The following NEK5 variants were observed in gnomAD, a reference collection of about 807,000 sequenced individuals.
NEK5 encodes NIMA related kinase 5, also known as serine/threonine-protein kinase Nek5.
A neutral mutation model predicts 109.2 loss-of-function variants in NEK5; 88 were observed. That is an observed-to-expected ratio of 0.81 (90% CI 0.68 to 0.96). The LOEUF is 0.96. NEK5 is among the 40% of genes least tolerant of loss of function. NEK5 has a pLI of 0.00. For synonymous variants in NEK5, 283 were observed against 299.9 expected, an observed-to-expected ratio of 0.94 and a Z score of 0.58; for missense variants, 834 against 920.7, an observed-to-expected ratio of 0.91 and a Z score of 1.22.
chr13:52,122,253 G>A (rs1356710703), intron 3 of NEK5, among the ~76,000 whole-genome samples: 1 of 152,190 alleles, frequency 6.6e-6, no homozygotes, highest in Non-Finnish European at 1.5e-5. Context: ...TGAGAGTAAT[G>A]AGAGCTACCT....
At chr13:52,094,166 C>T (rs556493680) in intron 12 of NEK5, among the ~76,000 whole-genome samples, 1 of 152,268 alleles carries the variant, frequency 6.6e-6, no homozygotes, top group African/African-American at 2.4e-5. Flanking sequence ...TATCTTCCAA[C>T]TGAGTAGAAG....
chr13:52,075,836 AG>A lies in NEK5; in HGVS notation c.1654-11del. ...CAAATTTTACCCCCTTCTAGGAGAAAGCAAAAAAAAAAAAAAAGTTTAGCAA... is the reference window on the plus strand; with the variant it reads ...CAAATTTTACCCCCTTCTAGGAGAAACAAAAAAAAAAAAAAAGTTTAGCAA... On this transcript the variant is annotated splice_polypyrimidine_tract_variant and intron_variant, in intron 18 of 23. Transcript: ENST00000684899. 3 of 1,470,722 alleles carry A rather than the reference AG, an allele frequency of 2.0e-6. No homozygotes were observed. The highest frequency in any genetic ancestry group is 1.4e-5 in the African/African-American group (1 of 70,290). The allele number at this position is 1,470,722 out of a possible 1,614,324, so 91.1% of individuals were successfully genotyped here. A position where few individuals can be genotyped will look rare whatever the true frequency, so the allele number is the denominator to read the frequency against.
chr13:52,111,745 A>G (rs1171695643), intron 5 of NEK5, among the ~76,000 whole-genome samples: 1 of 152,204 alleles, frequency 6.6e-6, no homozygotes, highest in Non-Finnish European at 1.5e-5. Flanking sequence ...GGAGTATAGA[A>G]GAGAAATACA....
chr13:52,114,841 T>G (rs1955822280), intron 4 of NEK5, among the ~76,000 whole-genome samples: 1 of 152,098 alleles, frequency 6.6e-6, no homozygotes, highest in South Asian at 2.1e-4. Context: ...CAGTAAAAGG[T>G]CTGCCACAGC....
chr13:52,049,596 C>T (rs888423565), intron 23 of NEK5, among the ~76,000 whole-genome samples: 22 of 151,804 alleles, frequency 1.4e-4, no homozygotes, highest in African/African-American at 1.7e-4. Flanking sequence ...CTTTTGGCTT[C>T]CCTGGCACAT....
chr13:52,099,874 A>C lies in NEK5; in HGVS notation c.895T>G (p.Cys299Gly). Residue 299 changes from cysteine (C) to glycine (G), a missense_variant and splice_region_variant, in exon 12 of 24, where the codon TGT (cysteine) becomes GGT (glycine). Physicochemically the swap from Cys to Gly is radical, Grantham distance 159. Transcript: ENST00000684899. ...SRHAGKVVQK[C>G]KIQKVRFQGK... ...TGGAATCTCACTTTTTGTATTTTAC[A>C]CTCTTAATTAACCAAAATAAAACAG... is the stretch of plus-strand genomic sequence containing the variant. 1 of 1,612,360 alleles carries C rather than the reference A, an allele frequency of 6.2e-7. No individual in the cohort carries two copies. Among genetic ancestry groups the C allele is most frequent in the Non-Finnish European group, 8.5e-7 (1 of 1,178,944 alleles).
rs1415336313 is a variant in NEK5 at position 52,093,206 on chromosome 13, A to G, written c.1056T>C (p.Ala352=). 1 of 1,613,288 alleles carries G rather than the reference A, an allele frequency of 6.2e-7. No homozygotes were observed. The highest frequency in any genetic ancestry group is 8.5e-7 in the Non-Finnish European group (1 of 1,179,474). The part of the protein sequence containing the change: ...SIKMIERPKI[A]AVCGHYDYYY... ...AATAATCATAATGTCCACAGACAGC[A>G]GCAATTTTGGGTCTTTCTATCATTT... The change falls in exon 13 of 24, where the codon GCT becomes GCC. Residue 352 remains alanine, a synonymous_variant. Coordinates refer to ENST00000684899, the MANE Select transcript of NEK5 (RefSeq NM_001365552.1).
chr13:52,053,359 C>T (rs1256734558), intron 22 of NEK5, among the ~76,000 whole-genome samples: 1 of 151,950 alleles, frequency 6.6e-6, no homozygotes, highest in Non-Finnish European at 1.5e-5. Flanking sequence ...CAAATGAAAG[C>T]CTTATGAAGC....
intron 4 of NEK5, among the ~76,000 whole-genome samples, chr13:52,114,122 A>T (rs1419342685): frequency 6.6e-6 from 1 of 152,234 alleles, no homozygotes; most frequent in Non-Finnish European, 1.5e-5. Flanking sequence ...ATCTTGTTAG[A>T]AAAGAAGGAT....
At chr13:52,121,423 GT>G (rs1955968132) in intron 3 of NEK5, among the ~76,000 whole-genome samples, 1 of 152,130 alleles carries the variant, frequency 6.6e-6, no homozygotes, top group African/African-American at 2.4e-5. Flanking sequence ...GCCTCCCAAA[GT>G]GCTGGGATTA....
chr13:52,089,717 G>A (rs1344245146), intron 13 of NEK5, among the ~76,000 whole-genome samples: 1 of 152,084 alleles, frequency 6.6e-6, no homozygotes, highest in Non-Finnish European at 1.5e-5. Flanking sequence ...GCTAGATGTG[G>A]TGGCTCACAC....
chr13:52,065,434 C>A lies in NEK5; in HGVS notation c.1975+50G>T, dbSNP rs768804337. On this transcript the variant is annotated intron_variant, in intron 21 of 23. Transcript: ENST00000684899. ...ACATCAGGATGAGCACTGGGCTGTA[C>A]GGGTCCTTGGTCTTCCCTTCCTGAC... The A allele has an allele frequency of 2.5e-6, 4 of 1,613,394 alleles. No individual in the cohort carries two copies. The Admixed American group carries it at 6.7e-5, about 27-fold the overall frequency.
At chr13:52,038,571 G>A (rs1051591983) in intron 23 of NEK5, among the ~76,000 whole-genome samples, 1 of 152,120 alleles carries the variant, frequency 6.6e-6, no homozygotes, top group Non-Finnish European at 1.5e-5. Context: ...GTGGTGACAG[G>A]TGGGGACTAC....
chr13:52,124,662 ATC>A (rs781508296), intron 3 of NEK5, among the ~76,000 whole-genome samples: 3 of 152,172 alleles, frequency 2.0e-5, no homozygotes, highest in Non-Finnish European at 4.4e-5. Context: ...TATGGATTTT[ATC>A]TTTTTATTGA....
intron 21 of NEK5, among the ~76,000 whole-genome samples, chr13:52,062,406 G>A (rs1309006851): frequency 6.6e-6 from 1 of 151,642 alleles, no homozygotes; most frequent in East Asian, 1.9e-4. Flanking sequence ...GGCTGCTATG[G>A]CCCTCTTCTT....
In NEK5 at chr13:52,099,871, T is replaced by C. The variant is rs759182962; in HGVS notation, c.898A>G (p.Lys300Glu). The part of the protein sequence containing the change: ...RHAGKVVQKC[K>E]IQKVRFQGKC... The stretch of plus-strand genomic sequence containing the variant: ...CCCTGGAATCTCACTTTTTGTATTT[T>C]ACACTCTTAATTAACCAAAATAAAA... The change falls in exon 12 of 24, where the codon AAA becomes GAA. Residue 300 changes from lysine to glutamate, a missense_variant. Around this residue, in one of 2 missense-constraint regions of NEK5, gnomAD observed 777 missense variants for 824.7 expected, o/e 0.94. Coordinates refer to ENST00000684899, the MANE Select transcript of NEK5 (RefSeq NM_001365552.1). 4.3e-6 allele frequency: 7 copies of C among 1,613,066 alleles called. No individual in the cohort carries two copies. The African/African-American group carries it at 6.7e-5, about 15-fold the overall frequency.
Position 52,127,459 on chromosome 13 carries a change from CTTAA to C in NEK5, c.20_23del (p.Ile7ArgfsTer13). On this transcript the variant is annotated frameshift_variant, in exon 3 of 24. Coordinates refer to ENST00000684899, the MANE Select transcript of NEK5 (RefSeq NM_001365552.1). LOFTEE classifies it high-confidence loss of function. ...TCCCGAAGGCACCTTGCCCGATGGC[CTTAA>C]TCACATCGTACTTATCCATGGTCTC... 6.2e-7 allele frequency: 1 copy of C among 1,608,942 alleles called. No homozygotes were observed. Among genetic ancestry groups the C allele is most frequent in the South Asian group, 1.1e-5 (1 of 90,990 alleles).
chr13:52,091,782 T>C (rs953549632), intron 13 of NEK5, among the ~76,000 whole-genome samples: 10 of 152,022 alleles, frequency 6.6e-5, no homozygotes, highest in African/African-American at 1.9e-4. Flanking sequence ...TTTGAAAATA[T>C]TGTAGATCTG....
chr13:52,124,997 T>A (rs1424436988), intron 3 of NEK5, among the ~76,000 whole-genome samples: 1 of 152,114 alleles, frequency 6.6e-6, no homozygotes, highest in African/African-American at 2.4e-5. Context: ...AGGAATAAGC[T>A]CACAAACGAT....
Sources: gnomAD v4.1 joint callset for allele counts (sites outside exome capture counted in the v4.1 genomes callset) on GRCh38, gnomAD v4.1.1 for gene constraint, gnomAD v4.1.1 regional missense constraint, MANE v1.5 for transcripts, NCBI Gene and HGNC (gene_info 2026-07-23, HGNC 2026-07-21) for gene names.